The following BMP2K variants were observed in gnomAD, a reference collection of about 807,000 sequenced individuals.
BMP2K encodes BMP-2-inducible protein kinase.
A neutral mutation model predicts 116.0 loss-of-function variants in BMP2K; 74 were observed. That is an observed-to-expected ratio of 0.64 (90% CI 0.53 to 0.77). BMP2K has a LOEUF of 0.77. Ranked by LOEUF, BMP2K falls within the 30% of genes least tolerant of loss-of-function variation. BMP2K has a pLI of 0.00. For missense variants in BMP2K, 1,365 were observed against 1,403.6 expected (o/e 0.97, Z 0.44); for synonymous variants, 486 against 502.5 (o/e 0.97, Z 0.44).
intron 15 of BMP2K, among the ~76,000 whole-genome samples, chr4:78,889,838 A>T (rs1269924960): frequency 3.3e-5 from 5 of 152,222 alleles, no homozygotes; most frequent in African/African-American, 7.2e-5. Context: ...TTTTTAGTAA[A>T]CCATATAGAG....
At chr4:78,907,047 T>C (rs1734322109) in intron 15 of BMP2K, among the ~76,000 whole-genome samples, 1 of 152,134 alleles carries the variant, frequency 6.6e-6, no homozygotes, top group Non-Finnish European at 1.5e-5. Flanking sequence ...AAAAAGTGCA[T>C]GAATCATGGT....
chr4:78,868,905 G>A (rs113330230), intron 10 of BMP2K, among the ~76,000 whole-genome samples: 3,039 of 152,240 alleles, frequency 0.02, 104 homozygotes, highest in African/African-American at 0.07. Flanking sequence ...TGGGCTGGCC[G>A]TTGAGTATCA....
chr4:78,870,775 G>A lies in BMP2K; in HGVS notation c.1232-8G>A, dbSNP rs771163147. 6.2e-7 allele frequency: 1 copy of A among 1,612,024 alleles called. No homozygotes were observed. Among genetic ancestry groups the A allele is most frequent in the Non-Finnish European group, 8.5e-7 (1 of 1,178,532 alleles). On this transcript the variant is annotated splice_region_variant and splice_polypyrimidine_tract_variant and intron_variant, in intron 10 of 15. Coordinates refer to ENST00000502613, the MANE Select transcript of BMP2K (RefSeq NM_198892.2). Reference sequence around the variant, plus strand: ...TATGTTAATGTAAGTGTTTGGACCTGTCTTTAGGGGCACTAAGACCTGGAA... The same window carrying A: ...TATGTTAATGTAAGTGTTTGGACCTATCTTTAGGGGCACTAAGACCTGGAA...
chr4:78,887,350 A>T, intron 15 of BMP2K, 66 bp downstream of exon 15: 1 of 1,192,932 alleles, frequency 8.4e-7, no homozygotes. Flanking sequence ...GCAAAATCTT[A>T]TAAAGTGGAA....
intron 1 of BMP2K, among the ~76,000 whole-genome samples, chr4:78,818,334 G>A (rs558004107): frequency 1.2e-3 from 184 of 152,176 alleles, no homozygotes; most frequent in Non-Finnish European, 1.9e-3. Context: ...TTGAGGAATC[G>A]CCACACTGTC....
Position 78,808,608 on chromosome 4 carries a change from C to T in BMP2K, c.179-17429C>T, listed in dbSNP as rs80153961. On this transcript the variant is annotated intron_variant, in intron 1 of 15. Coordinates refer to ENST00000502613, the MANE Select transcript of BMP2K (RefSeq NM_198892.2). ...AGGTGTTTTATAGCTATAAAATTCC[C>T]TCTAGGAACTACTTTAACTGCATTT... Among the ~76,000 whole-genome samples the T allele has an allele frequency of 5.6e-3, 849 of 152,198 alleles. 11 individuals carry two copies. The highest frequency in any genetic ancestry group is 0.019 in the African/African-American group (805 of 41,528).
rs116798380 is a variant in BMP2K at position 78,801,427 on chromosome 4, G to A, written c.179-24610G>A. 4.1e-3 allele frequency among the ~76,000 whole-genome samples: 624 copies of A among 151,816 alleles called. 4 individuals carry two copies. The highest frequency in any genetic ancestry group is 0.014 in the African/African-American group (594 of 41,432). ...AACTTTCCATTGTAAGATAAACAGT[G>A]TAAGGCAAAAGTTGTTTAACCTTCC... is the stretch of plus-strand genomic sequence containing the variant. On this transcript the variant is annotated intron_variant, in intron 1 of 15. Transcript: ENST00000502613.
intron 15 of BMP2K, among the ~76,000 whole-genome samples, chr4:78,890,626 T>C (rs1323330820): frequency 6.6e-6 from 1 of 152,216 alleles, no homozygotes; most frequent in Non-Finnish European, 1.5e-5. Context: ...TGCTTAGTTT[T>C]TTATGTACCC....
At position 78,777,417 on chromosome 4, in the gene BMP2K, C is replaced by T. The variant is rs1727299110; in HGVS notation, c.178+696C>T. On this transcript the variant is annotated intron_variant, in intron 1 of 15. Transcript: ENST00000502613. ...TAAAAGCAGGTTAACTTTCACTTAA[C>T]GAGGTTTTGTGGTCGGTCCTTCATG... 2.6e-5 allele frequency among the ~76,000 whole-genome samples: 4 copies of T among 152,268 alleles called. No individual in the cohort carries two copies. The South Asian group carries it at 8.3e-4, about 32-fold the overall frequency.
intron 3 of BMP2K, among the ~76,000 whole-genome samples, 171 bp from the exon 4 acceptor site, chr4:78,842,204 TAAAATGTGAA>T (rs1030932738): frequency 6.6e-6 from 1 of 152,072 alleles, no homozygotes. Context: ...TTTTGAGATG[TAAAATGTGAA>T]AAAATGTGTG....
At chr4:78,817,747 T>C (rs1729422425) in intron 1 of BMP2K, among the ~76,000 whole-genome samples, 2 of 152,134 alleles carry the variant, frequency 1.3e-5, no homozygotes, top group Admixed American at 6.6e-5. Context: ...AGGGAGGGGC[T>C]GAAAGTTCCA....
chr4:78,865,707 C>A lies in BMP2K; in HGVS notation c.1218C>A (p.Asn406Lys), dbSNP rs761960193. 7 of 1,613,886 alleles carry A rather than the reference C, an allele frequency of 4.3e-6. No individual in the cohort carries two copies. Among genetic ancestry groups the A allele is most frequent in the South Asian group, 3.3e-5 (3 of 91,078 alleles). The change falls in exon 10 of 16, where the codon AAC becomes AAA. Residue 406 changes from asparagine to lysine, a missense_variant. Asn to Lys is a moderately conservative substitution (Grantham distance 94, BLOSUM62 0). Coordinates refer to ENST00000502613, the MANE Select transcript of BMP2K (RefSeq NM_198892.2). ...VKVLAPGEFG[N>K]HRPKGALRPG... The stretch of plus-strand genomic sequence containing the variant: ...TCCTTGCTCCTGGTGAATTCGGTAA[C>A]CATAGACCAAAAGGTAATAGAGCCC...
intron 14 of BMP2K, among the ~76,000 whole-genome samples, chr4:78,885,275 G>A (rs1733020932): frequency 6.6e-6 from 1 of 152,142 alleles, no homozygotes; most frequent in Non-Finnish European, 1.5e-5. Context: ...TGTCATAAAG[G>A]TTTTGAAAGA....
chr4:78,910,830 TGAA>T lies in BMP2K; in HGVS notation c.2288_2290del (p.Glu763del), dbSNP rs760311056. ...GCAGTGAAGAGGAAGAGCAAGATGA[TGAA>T]GAAGTTCTTCAGGGGGAACAAGGAG... On this transcript the variant is annotated inframe_deletion, in exon 16 of 16. Coordinates refer to ENST00000502613, the MANE Select transcript of BMP2K (RefSeq NM_198892.2). The T allele has an allele frequency of 3.0e-4, 486 of 1,613,978 alleles. No individual in the cohort carries two copies. Among genetic ancestry groups the T allele is most frequent in the Non-Finnish European group, 3.7e-4 (431 of 1,179,876 alleles).
At position 78,878,727 on chromosome 4, in the gene BMP2K, A is replaced by G; in HGVS notation, c.1794-7A>G. 6.3e-7 allele frequency: 1 copy of G among 1,579,488 alleles called. No individual in the cohort carries two copies. The highest frequency in any genetic ancestry group is 8.6e-7 in the Non-Finnish European group (1 of 1,166,752). On this transcript the variant is annotated splice_polypyrimidine_tract_variant and splice_region_variant and intron_variant, in intron 13 of 15. Coordinates refer to ENST00000502613, the MANE Select transcript of BMP2K (RefSeq NM_198892.2). ...TCTTCTTTTTTCTTACTCAATTATT[A>G]CTATAGGTCAGTTGCTGATAAAGAG...
chr4:78,800,861 C>A (rs567396954), intron 1 of BMP2K, among the ~76,000 whole-genome samples: 1 of 151,882 alleles, frequency 6.6e-6, no homozygotes, highest in South Asian at 2.1e-4. Context: ...ATGTAAATAC[C>A]GAAATTGTAT....
chr4:78,786,661 C>T (rs1170518458), intron 1 of BMP2K, among the ~76,000 whole-genome samples: 1 of 152,128 alleles, frequency 6.6e-6, no homozygotes, highest in Admixed American at 6.5e-5. Context: ...CTGGCCTCCA[C>T]CACTCTGTTA....
intron 13 of BMP2K, among the ~76,000 whole-genome samples, chr4:78,875,305 A>G (rs538718354): frequency 5.3e-5 from 8 of 152,336 alleles, no homozygotes; most frequent in African/African-American, 1.9e-4. Context: ...TGAGTAGAAT[A>G]TAAGAAACCA....
chr4:78,833,333 G>C (rs528846275), intron 2 of BMP2K, among the ~76,000 whole-genome samples: 4 of 151,910 alleles, frequency 2.6e-5, no homozygotes, highest in African/African-American at 9.7e-5. Context: ...TTCCTTTTGC[G>C]TGAACCATTT....
Sources: allele counts gnomAD v4.1 joint callset (sites outside exome capture counted in the v4.1 genomes callset), GRCh38; gene constraint gnomAD v4.1.1; transcripts MANE v1.5; gene names NCBI Gene and HGNC (gene_info 2026-07-23, HGNC 2026-07-21).